PAG1: variants seen among roughly 807,000 people sequenced by gnomAD.
The protein encoded by PAG1 is phosphoprotein associated with glycosphingolipid-enriched microdomains 1.
Under a neutral mutation model 31.7 loss-of-function variants are expected in PAG1, and 23 were observed. That is an observed-to-expected ratio of 0.73 (90% CI 0.52 to 1.03). PAG1 has a LOEUF of 1.03. Ranked by LOEUF, PAG1 falls within the 50% of genes least tolerant of loss-of-function variation. The pLI, the probability that PAG1 is intolerant of heterozygous loss-of-function variation, is 0.00. For missense variants in PAG1, 473 were observed against 540.7 expected, an observed-to-expected ratio of 0.87 and a Z score of 1.24; for synonymous variants, 214 against 210.3, an observed-to-expected ratio of 1.02 and a Z score of -0.15.
intron 2 of PAG1, among the ~76,000 whole-genome samples, chr8:81,052,384 C>A (rs1218969028): frequency 6.6e-6 from 1 of 151,996 alleles, no homozygotes. Flanking sequence ...GCCCCCACCA[C>A]TGCATGAGGC....
rs138452446 is a variant in PAG1, at chr8:81,107,872, A to C, written c.-234+3719T>G. 4.0e-3 allele frequency among the ~76,000 whole-genome samples: 612 copies of C among 152,342 alleles called. 4 individuals carry two copies. The highest frequency in any genetic ancestry group is 0.013 in the South Asian group (63 of 4,832). On this transcript the variant is annotated intron_variant, in intron 1 of 8. Transcript: ENST00000220597. ...TATAACCTCCCAATGTGCCTCTCAC[A>C]ATGCATGAGGCAGGAGCTCTGGAAC...
At chr8:80,997,395 T>C (rs980638250) in intron 3 of PAG1, among the ~76,000 whole-genome samples, 1 of 152,138 alleles carries the variant, frequency 6.6e-6, no homozygotes, top group African/African-American at 2.4e-5. Context: ...CGCTGCCTCT[T>C]GAGTAGCTGG....
chr8:81,091,325 A>G (rs1809442895), intron 1 of PAG1, among the ~76,000 whole-genome samples: 1 of 152,176 alleles, frequency 6.6e-6, no homozygotes, highest in Non-Finnish European at 1.5e-5. Flanking sequence ...CACCTAAGGG[A>G]TTCTCCAAAA....
chr8:81,025,277 C>A (rs1808255906), intron 3 of PAG1, among the ~76,000 whole-genome samples: 1 of 152,092 alleles, frequency 6.6e-6, no homozygotes, highest in Non-Finnish European at 1.5e-5. Flanking sequence ...TGGAGAGTCA[C>A]AAGAAAATTC....
chr8:81,017,279 T>G (rs1342535094), intron 3 of PAG1, among the ~76,000 whole-genome samples: 1 of 152,222 alleles, frequency 6.6e-6, no homozygotes. Flanking sequence ...ATTTATGCAA[T>G]TACACTAAGA....
At chr8:80,994,055 CCCCACTGCCATCTCTCATCTCCCTAA>C (rs1299744569) in intron 3 of PAG1, among the ~76,000 whole-genome samples, 12 of 150,774 alleles carry the variant, frequency 8.0e-5, no homozygotes, top group South Asian at 2.1e-4. Context: ...TGCCCCTGCC[CCCCACTGCCATCTCTCATCTCCCTAA>C]CCCACTGCCA....
Position 80,993,363 on chromosome 8 carries a change from G to A in PAG1, c.-80-56C>T. ...ATTCTCGGGTAAAGTGGCAGAATCT[G>A]TAATTCGGTCCCTGTCAGGAGCAAG... is the stretch of plus-strand genomic sequence containing the variant. On this transcript the variant is annotated intron_variant, in intron 3 of 8. Transcript: ENST00000220597. 9 of 880,990 alleles carry A rather than the reference G, an allele frequency of 1.0e-5. No individual in the cohort carries two copies. In the South Asian group the frequency reaches 1.8e-4, roughly 17 times the overall value. 54.6% of individuals were successfully genotyped at this position (880,990 alleles called of 1,614,324 possible). A position where few individuals can be genotyped will look rare whatever the true frequency, so the allele number is the denominator to read the frequency against.
At chr8:81,107,494 T>A (rs766167450) in intron 1 of PAG1, among the ~76,000 whole-genome samples, 8 of 152,186 alleles carry the variant, frequency 5.3e-5, no homozygotes, top group Non-Finnish European at 1.0e-4. Context: ...TGGGCTCCAC[T>A]CTTTACTCTG....
intron 2 of PAG1, among the ~76,000 whole-genome samples, chr8:81,045,869 T>C (rs545774478): frequency 1.5e-3 from 221 of 152,334 alleles, no homozygotes; most frequent in African/African-American, 3.8e-3. Context: ...CTGTAATGTT[T>C]ATAGTATCTG....
At chr8:81,104,135 C>T (rs769398566) in intron 1 of PAG1, among the ~76,000 whole-genome samples, 28 of 152,140 alleles carry the variant, frequency 1.8e-4, no homozygotes, top group African/African-American at 6.3e-4. Context: ...TGACCAGAAC[C>T]GGAAACTCTA....
Position 80,980,460 on chromosome 8 carries a change from T to C in PAG1, c.911A>G (p.Glu304Gly). 2.5e-6 allele frequency: 4 copies of C among 1,607,510 alleles called. No individual in the cohort carries two copies. The highest frequency in any genetic ancestry group is 3.4e-6 in the Non-Finnish European group (4 of 1,174,046). Residue 304 changes from glutamate (E) to glycine (G), a missense_variant, in exon 8 of 9, where the codon GAA becomes GGA. By Grantham distance (98) the Glu-to-Gly change is moderately conservative. Transcript: ENST00000220597. ...FSSLSYKSREEDPTLTEEEIS... is the reference protein window; with the variant it reads ...FSSLSYKSREGDPTLTEEEIS... The stretch of plus-strand genomic sequence containing the variant: ...CTCTTCTTCTGTGAGAGTGGGGTCT[T>C]CTTCCCGAGACTTGTATGACAATGA...
intron 3 of PAG1, among the ~76,000 whole-genome samples, chr8:81,013,384 G>A (rs1563629415): frequency 6.6e-6 from 1 of 152,206 alleles, no homozygotes; most frequent in East Asian, 1.9e-4. Flanking sequence ...TTCTCTGCCT[G>A]GGTGTCCCCC....
At chr8:81,066,271 A>G (rs1201264691) in intron 2 of PAG1, among the ~76,000 whole-genome samples, 1 of 152,244 alleles carries the variant, frequency 6.6e-6, no homozygotes, top group African/African-American at 2.4e-5. Context: ...AAAACAGAGG[A>G]GTAAAACTTA....
At chr8:81,035,056 T>C (rs1384470845) in intron 2 of PAG1, among the ~76,000 whole-genome samples, 1 of 150,630 alleles carries the variant, frequency 6.6e-6, no homozygotes, top group Non-Finnish European at 1.5e-5. Flanking sequence ...TGGCGGTGGG[T>C]GGGGATTTTT....
rs1293948047 is a variant in PAG1, at chr8:80,990,420, T to A, written c.177+1059A>T. On this transcript the variant is annotated intron_variant, in intron 5 of 8. Transcript: ENST00000220597. This position sits in a 1 kb window ranked among gnomAD's most constrained non-coding sequence, Gnocchi z 5.1. Reference sequence around the variant, plus strand: ...CCTTGGCTCATCCATGCTTCCTTGTTTGCACCCTCTCCTCCCAACCAGTTT... The same window carrying A: ...CCTTGGCTCATCCATGCTTCCTTGTATGCACCCTCTCCTCCCAACCAGTTT... Among the ~76,000 whole-genome samples the A allele has an allele frequency of 1.3e-5, 2 of 152,138 alleles. No individual in the cohort carries two copies. Among genetic ancestry groups the A allele is most frequent in the African/African-American group, 4.8e-5 (2 of 41,430 alleles).
intron 3 of PAG1, among the ~76,000 whole-genome samples, chr8:81,029,319 G>T (rs936196352): frequency 6.6e-6 from 1 of 151,488 alleles, no homozygotes; most frequent in Non-Finnish European, 1.5e-5. Context: ...GAAACCTATA[G>T]TATCATGCTG....
At chr8:81,066,518 C>T (rs1287420522) in intron 2 of PAG1, among the ~76,000 whole-genome samples, 1 of 151,998 alleles carries the variant, frequency 6.6e-6, no homozygotes, top group Non-Finnish European at 1.5e-5. Flanking sequence ...AAATCAATAC[C>T]CATCTAGCAT....
chr8:81,104,388 T>TTGTCC (rs1563432358), intron 1 of PAG1, among the ~76,000 whole-genome samples: 1 of 9,162 alleles, frequency 1.1e-4, no homozygotes, highest in African/African-American at 2.6e-4. Context: ...CCTTCGTCCT[T>TTGTCC]TTTTTTTTTT....
chr8:81,099,132 C>T lies in PAG1; in HGVS notation c.-234+12459G>A, dbSNP rs560489581. Among the ~76,000 whole-genome samples, 4 of 152,266 alleles carry T rather than the reference C, an allele frequency of 2.6e-5. No individual in the cohort carries two copies. The South Asian group carries it at 8.3e-4, about 32-fold the overall frequency. ...TTGCCTGGATCCCATGGGGGTATTA[C>T]ATTAATATACAATGAATACACTGTA... On this transcript the variant is annotated intron_variant, in intron 1 of 8. Transcript: ENST00000220597.
Sources: gnomAD v4.1 joint callset for allele counts (sites outside exome capture counted in the v4.1 genomes callset) on GRCh38, gnomAD v4.1.1 for gene constraint, Gnocchi (gnomAD v3.1) non-coding constraint, MANE v1.5 for transcripts, NCBI Gene and HGNC (gene_info 2026-07-23, HGNC 2026-07-21) for gene names.